FHAD1: variants seen among roughly 807,000 people sequenced by gnomAD.
FHAD1 encodes the protein forkhead-associated domain-containing protein 1.
A neutral mutation model predicts 191.3 loss-of-function variants in FHAD1; 146 were observed. The observed-to-expected ratio is 0.76, with a 90% confidence interval of 0.67 to 0.88. The LOEUF (loss-of-function observed/expected upper bound fraction) is 0.88, where lower values mean the gene tolerates loss of function less well. FHAD1 is among the 40% of genes least tolerant of loss of function. FHAD1 has a pLI of 0.00. For synonymous variants in FHAD1, 616 were observed against 672.3 expected, an observed-to-expected ratio of 0.92 and a Z score of 1.29; for missense variants, 1,635 against 1,785.8, an observed-to-expected ratio of 0.92 and a Z score of 1.52.
intron 3 of FHAD1, among the ~76,000 whole-genome samples, chr1:15,286,489 G>T (rs1662462839): frequency 6.6e-6 from 1 of 152,212 alleles, no homozygotes; most frequent in African/African-American, 2.4e-5. Flanking sequence ...ATGACAGAGT[G>T]AGACGCTGTT....
intron 33 of FHAD1, among the ~76,000 whole-genome samples, chr1:15,394,730 A>G (rs1460874410): frequency 6.6e-6 from 1 of 152,162 alleles, no homozygotes; most frequent in Non-Finnish European, 1.5e-5. Context: ...TATTTGGCAG[A>G]TGAGGAAACT....
chr1:15,388,259 CCTCCCCAGCCTCTGCCCCTCG>C, intron 32 of FHAD1, 128 bp downstream of exon 32: 1 of 478,400 alleles, frequency 2.1e-6, no homozygotes, highest in Non-Finnish European at 3.7e-6. Flanking sequence ...CCTTCCCTTC[CCTCCCCAGCCTCTGCCCCTCG>C]TCCCTCCCTC....
chr1:15,335,047 A>G (rs1288926099), intron 14 of FHAD1, among the ~76,000 whole-genome samples: 1 of 152,212 alleles, frequency 6.6e-6, no homozygotes, highest in African/African-American at 2.4e-5. Context: ...ACGCGTCACA[A>G]ACTAGGATGG....
At chr1:15,320,487 T>C (rs530827305) in intron 10 of FHAD1, among the ~76,000 whole-genome samples, 1 of 152,322 alleles carries the variant, frequency 6.6e-6, no homozygotes, top group South Asian at 2.1e-4. Flanking sequence ...TGTCTGTTTC[T>C]TTTTTTAATA....
intron 33 of FHAD1, among the ~76,000 whole-genome samples, chr1:15,396,469 T>G (rs1316375459): frequency 6.6e-6 from 1 of 152,182 alleles, no homozygotes; most frequent in South Asian, 2.1e-4. Flanking sequence ...TCTGTGTGTG[T>G]ATATATATAT....
chr1:15,313,077 A>G lies in FHAD1; in HGVS notation c.1060A>G (p.Lys354Glu). ...ITSGMVSSLQ[K>E]DILAKDEQVQ... ...TACAGGGATGGTGTCATCTTTGCAA[A>G]AAGACATATTAGCAAAGGATGAGCA... Residue 354 changes from lysine (K) to glutamate (E), a missense_variant, in exon 8 of 34, where the codon AAA becomes GAA. Physicochemically the swap from Lys to Glu is moderately conservative, Grantham distance 56 (BLOSUM62 1). Coordinates refer to ENST00000688493, the MANE Select transcript of FHAD1 (RefSeq NM_001391957.1). The G allele has an allele frequency of 1.3e-6, 2 of 1,551,712 alleles. No homozygotes were observed. Among genetic ancestry groups the G allele is most frequent in the Non-Finnish European group, 1.7e-6 (2 of 1,146,984 alleles).
At chr1:15,317,991 G>A (rs1675024730) in intron 10 of FHAD1, 63 bp downstream of exon 10, 4 of 1,063,310 alleles carry the variant, frequency 3.8e-6, no homozygotes, top group Non-Finnish European at 5.7e-6. Context: ...CATCATCCCT[G>A]TTAGTCCTCT....
chr1:15,369,332 T>G (rs1570348096), intron 25 of FHAD1, 38 bp from the exon 26 acceptor site: 6 of 1,550,406 alleles, frequency 3.9e-6, no homozygotes, highest in Non-Finnish European at 5.2e-6. Context: ...ATTTGTGGTT[T>G]CCAGAACCTC....
In FHAD1 at chr1:15,338,693, C is replaced by G. The variant is rs566476795; in HGVS notation, c.1907-788C>G. On this transcript the variant is annotated intron_variant, in intron 14 of 33. Coordinates refer to ENST00000688493, the MANE Select transcript of FHAD1 (RefSeq NM_001391957.1). ...TCTGCCCACCCAACAGCATCCACAC[C>G]CAGTAGTTCTTCAACCAAGTGGTCT... is the stretch of plus-strand genomic sequence containing the variant. Among the ~76,000 whole-genome samples the G allele has an allele frequency of 4.0e-4, 61 of 152,226 alleles. 1 individual carries two copies. Among genetic ancestry groups the G allele is most frequent in the Non-Finnish European group, 6.8e-4 (46 of 68,018 alleles).
At position 15,374,562 on chromosome 1, in the gene FHAD1, C is replaced by A; in HGVS notation, c.3508C>A (p.Gln1170Lys). 2 of 1,551,728 alleles carry A rather than the reference C, an allele frequency of 1.3e-6. No homozygotes were observed. The highest frequency in any genetic ancestry group is 2.4e-5 in the South Asian group (2 of 84,070). ...AGGGTCCCGGCACGAGGAGGTCATT[C>A]AGCGTCAGAAAAAGGCCTTATCTGA... The part of the protein sequence containing the change: ...CKGSRHEEVI[Q>K]RQKKALSELR... The change falls in exon 27 of 34, where the codon CAG (glutamine) becomes AAG (lysine). Residue 1170 changes from glutamine (Q) to lysine (K), a missense_variant. Physicochemically the swap from Gln to Lys is moderately conservative, Grantham distance 53 (BLOSUM62 1). Coordinates refer to ENST00000688493, the MANE Select transcript of FHAD1 (RefSeq NM_001391957.1).
chr1:15,300,586 A>G (rs147914916), intron 5 of FHAD1, among the ~76,000 whole-genome samples: 2 of 152,368 alleles, frequency 1.3e-5, no homozygotes, highest in East Asian at 3.9e-4. Flanking sequence ...TAAAAATATT[A>G]TAAATAAACT....
rs1035964814 is a variant in FHAD1, at chr1:15,312,481, G to A, written c.1040-576G>A. Among the ~76,000 whole-genome samples, 7 of 152,076 alleles carry A rather than the reference G, an allele frequency of 4.6e-5. No homozygotes were observed. The highest frequency in any genetic ancestry group is 7.3e-5 in the African/African-American group (3 of 41,378). ...TTTGAGACCCGCCTGGGCAACATGGGCAAAACTCCATGTCTACAAAAAATA... is the reference window on the plus strand; with the variant it reads ...TTTGAGACCCGCCTGGGCAACATGGACAAAACTCCATGTCTACAAAAAATA... On this transcript the variant is annotated intron_variant, in intron 7 of 33. Coordinates refer to ENST00000688493, the MANE Select transcript of FHAD1 (RefSeq NM_001391957.1). The surrounding 1 kb of genome is among the most constrained non-coding windows in gnomAD (Gnocchi z 4.7).
intron 28 of FHAD1, among the ~76,000 whole-genome samples, chr1:15,379,058 G>A (rs1262101707): frequency 1.3e-5 from 2 of 151,894 alleles, no homozygotes; most frequent in African/African-American, 4.8e-5. Context: ...GGTGTTTCTC[G>A]TAAGGTGGAA....
intron 20 of FHAD1, among the ~76,000 whole-genome samples, chr1:15,353,704 C>CAAAAAAA (rs60518389): frequency 5.4e-4 from 33 of 60,936 alleles, no homozygotes; most frequent in Admixed American, 7.7e-4. Context: ...GACTCCATCT[C>CAAAAAAA]AAAAAAAAAA....
chr1:15,320,412 T>C (rs1362024043), intron 10 of FHAD1, among the ~76,000 whole-genome samples: 1 of 152,230 alleles, frequency 6.6e-6, no homozygotes, highest in East Asian at 1.9e-4. Flanking sequence ...ATTTTTTTTG[T>C]CTGTGTGTTT....
In FHAD1 at chr1:15,289,979, G is replaced by A. The variant is rs766015921; in HGVS notation, c.568+313G>A. On this transcript the variant is annotated intron_variant, in intron 4 of 33. Transcript: ENST00000688493. This position sits in a 1 kb window ranked among gnomAD's most constrained non-coding sequence, Gnocchi z 4.2. The stretch of plus-strand genomic sequence containing the variant: ...ACATATGAGTGTGTCATGGGATCAC[G>A]TCAACACACTTTGACTCAGTTGTGC... Among the ~76,000 whole-genome samples, 25 of 152,228 alleles carry A rather than the reference G, an allele frequency of 1.6e-4. No individual in the cohort carries two copies. The highest frequency in any genetic ancestry group is 8.3e-4 in the South Asian group (4 of 4,820).
chr1:15,308,715 AGAGACAAC>A lies in FHAD1; in HGVS notation c.1020_1027del (p.Arg340SerfsTer19), dbSNP rs1372131563. The stretch of plus-strand genomic sequence containing the variant: ...GAAGAATGAGGGCGAGAACTTAAAG[AGAGACAAC>A]GCTATCACATCAGGTGAGCCCTTGG... On this transcript the variant is annotated frameshift_variant, in exon 7 of 34. Transcript: ENST00000688493. LOFTEE classifies it high-confidence loss of function. The A allele has an allele frequency of 6.4e-7, 1 of 1,551,748 alleles. No individual in the cohort carries two copies. The highest frequency in any genetic ancestry group is 1.4e-5 in the African/African-American group (1 of 73,186).
chr1:15,253,141 A>T (rs1573653212), intron 2 of FHAD1, among the ~76,000 whole-genome samples: 3 of 142,576 alleles, frequency 2.1e-5, no homozygotes, highest in East Asian at 4.2e-4. Flanking sequence ...GGAAATTGAC[A>T]TAAGTGCTGT....
In FHAD1 at chr1:15,261,081, G is replaced by A. The variant is rs115499359; in HGVS notation, c.93+9204G>A. On this transcript the variant is annotated intron_variant, in intron 2 of 33. Coordinates refer to ENST00000688493, the MANE Select transcript of FHAD1 (RefSeq NM_001391957.1). The stretch of plus-strand genomic sequence containing the variant: ...CTGCCAGGGACAGTGGAGAAAGATG[G>A]TGGATGAGCCAAGAGGATGATGCTA... 3.8e-3 allele frequency among the ~76,000 whole-genome samples: 581 copies of A among 152,322 alleles called. 4 individuals carry two copies. Among genetic ancestry groups the A allele is most frequent in the African/African-American group, 0.013 (561 of 41,574 alleles).
Sources: gnomAD v4.1 joint callset for allele counts (sites outside exome capture counted in the v4.1 genomes callset) on GRCh38, gnomAD v4.1.1 for gene constraint, Gnocchi (gnomAD v3.1) non-coding constraint, MANE v1.5 for transcripts, NCBI Gene and HGNC (gene_info 2026-07-23, HGNC 2026-07-21) for gene names.